The following MINDY3 variants were observed in gnomAD, a reference collection of about 807,000 sequenced individuals.
MINDY3 encodes MINDY lysine 48 deubiquitinase 3.
A neutral mutation model predicts 69.2 loss-of-function variants in MINDY3; 38 were observed. The observed-to-expected ratio is 0.55, with a 90% CI of 0.42 to 0.72. The LOEUF (loss-of-function observed/expected upper bound fraction) is 0.72. Among genes scored for constraint, MINDY3 ranks in the 30% least tolerant of loss-of-function variants. MINDY3 has a pLI of 0.00. For missense variants in MINDY3, 522 were observed against 519.0 expected, an observed-to-expected ratio of 1.01 and a Z score of -0.06; for synonymous variants, 192 against 180.1, an observed-to-expected ratio of 1.07 and a Z score of -0.53.
At chr10:15,852,323 T>C (rs887658593) in intron 1 of MINDY3, among the ~76,000 whole-genome samples, 1 of 152,172 alleles carries the variant, frequency 6.6e-6, no homozygotes, top group Non-Finnish European at 1.5e-5. Flanking sequence ...GAATACCAAG[T>C]TCAGTCTCAA....
chr10:15,786,105 A>G (rs1017657751), intron 13 of MINDY3, among the ~76,000 whole-genome samples: 1 of 152,160 alleles, frequency 6.6e-6, no homozygotes, highest in Non-Finnish European at 1.5e-5. Flanking sequence ...ATCAAAGCCC[A>G]GTGGAAGACA....
chr10:15,814,743 T>C (rs138298251), intron 10 of MINDY3, among the ~76,000 whole-genome samples: 36 of 152,250 alleles, frequency 2.4e-4, no homozygotes, highest in African/African-American at 8.7e-4. Context: ...TGTGTGCTGT[T>C]TGACACATGC....
At chr10:15,784,489 A>G (rs2131830172) in intron 13 of MINDY3, among the ~76,000 whole-genome samples, 1 of 152,302 alleles carries the variant, frequency 6.6e-6, no homozygotes, top group East Asian at 1.9e-4. Context: ...TCATACCTGT[A>G]ATCCCAGCAC....
chr10:15,827,927 C>T (rs745426134), intron 8 of MINDY3, among the ~76,000 whole-genome samples: 4 of 152,140 alleles, frequency 2.6e-5, no homozygotes, highest in Non-Finnish European at 5.9e-5. Flanking sequence ...CAGAAAAATA[C>T]GAACTCTCCT....
At chr10:15,819,753 T>A (rs2131993356) in intron 9 of MINDY3, among the ~76,000 whole-genome samples, 1 of 152,314 alleles carries the variant, frequency 6.6e-6, no homozygotes, top group South Asian at 2.1e-4. Context: ...TGTTAGTGTG[T>A]TTTGTTGTGC....
intron 1 of MINDY3, among the ~76,000 whole-genome samples, chr10:15,852,170 T>C (rs1834347236): frequency 1.3e-5 from 2 of 152,200 alleles, no homozygotes; most frequent in African/African-American, 4.8e-5. Context: ...TACTTCTTAA[T>C]CATCTGCCTT....
At chr10:15,800,372 A>AAATT (rs1838173407) in intron 10 of MINDY3, among the ~76,000 whole-genome samples, 1 of 152,136 alleles carries the variant, frequency 6.6e-6, no homozygotes, top group Non-Finnish European at 1.5e-5. Context: ...CAACAGCATA[A>AAATT]AATTAACTTT....
chr10:15,783,949 T>C (rs775990629), intron 13 of MINDY3, among the ~76,000 whole-genome samples: 37 of 152,206 alleles, frequency 2.4e-4, no homozygotes, highest in Non-Finnish European at 4.0e-4. Context: ...AGCCCACTGG[T>C]AAAGTGCATA....
At chr10:15,809,394 TTCAAAATA>T (rs1363518426) in intron 10 of MINDY3, among the ~76,000 whole-genome samples, 2 of 152,162 alleles carry the variant, frequency 1.3e-5, no homozygotes, top group African/African-American at 2.4e-5. Context: ...GCGTCTACTT[TTCAAAATA>T]CATTTCTTTT....
intron 10 of MINDY3, among the ~76,000 whole-genome samples, chr10:15,804,007 G>A (rs1173170319): frequency 6.6e-6 from 1 of 152,086 alleles, no homozygotes; most frequent in Non-Finnish European, 1.5e-5. Context: ...CTACACATGA[G>A]ACTCAACGAT....
At chr10:15,819,401 G>C (rs955604115) in intron 9 of MINDY3, among the ~76,000 whole-genome samples, 2 of 152,214 alleles carry the variant, frequency 1.3e-5, no homozygotes, top group African/African-American at 4.8e-5. Context: ...CTAGAGGCCA[G>C]TCATTCCCTT....
intron 7 of MINDY3, 138 bp downstream of exon 7, chr10:15,834,405 G>C: frequency 1.9e-6 from 1 of 513,250 alleles, no homozygotes; most frequent in Non-Finnish European, 3.5e-6. Flanking sequence ...ATAATACAAA[G>C]AAGTGCTCAA....
chr10:15,847,335 C>T (rs1048727611), intron 2 of MINDY3, among the ~76,000 whole-genome samples: 24 of 152,102 alleles, frequency 1.6e-4, no homozygotes, highest in African/African-American at 5.8e-4. Context: ...AAAGAAAAAA[C>T]ATTTTTGGTT....
chr10:15,786,690 A>G, intron 12 of MINDY3, 42 bp from the exon 13 acceptor site: 2 of 1,177,724 alleles, frequency 1.7e-6, no homozygotes, highest in Non-Finnish European at 2.5e-6. Context: ...CCAGAGGAAA[A>G]AAAAAAGCTG....
At chr10:15,859,392 CT>C (rs1483285310) in intron 1 of MINDY3, among the ~76,000 whole-genome samples, 8 of 152,166 alleles carry the variant, frequency 5.3e-5, no homozygotes, top group Non-Finnish European at 1.2e-4. Context: ...TCATCATCAT[CT>C]TTCCTAAGTC....
chr10:15,827,370 C>T (rs183782225), intron 8 of MINDY3, among the ~76,000 whole-genome samples: 195 of 151,608 alleles, frequency 1.3e-3, no homozygotes, highest in Non-Finnish European at 2.2e-3. Context: ...GGTAAAATCC[C>T]GTCTCTACTA....
intron 10 of MINDY3, among the ~76,000 whole-genome samples, chr10:15,806,114 C>A (rs750289987): frequency 1.3e-5 from 2 of 152,056 alleles, no homozygotes; most frequent in Non-Finnish European, 2.9e-5. Flanking sequence ...ACTGAAATGT[C>A]AGGGTTGTTG....
At chr10:15,855,313 G>T (rs1366791196) in intron 1 of MINDY3, among the ~76,000 whole-genome samples, 6 of 152,014 alleles carry the variant, frequency 3.9e-5, no homozygotes, top group African/African-American at 1.4e-4. Context: ...TCCTAAAACA[G>T]GACTATGCTG....
chr10:15,830,106 A>G (rs931355083), intron 8 of MINDY3, among the ~76,000 whole-genome samples: 2 of 152,198 alleles, frequency 1.3e-5, no homozygotes, highest in Non-Finnish European at 2.9e-5. Context: ...CTTGTTGAAT[A>G]AAGTAACATC....
Sources: gnomAD v4.1 joint callset for allele counts (sites outside exome capture counted in the v4.1 genomes callset) on GRCh38, gnomAD v4.1.1 for gene constraint, MANE v1.5 for transcripts, NCBI Gene and HGNC (gene_info 2026-07-23, HGNC 2026-07-21) for gene names.